NOTCH2: variants seen among roughly 807,000 people sequenced by gnomAD.
The protein encoded by NOTCH2 is neurogenic locus notch homolog protein 2.
A neutral mutation model predicts 235.8 loss-of-function variants in NOTCH2; 29 were observed. That is an observed-to-expected ratio of 0.12 (90% CI 0.09 to 0.17). The LOEUF (loss-of-function observed/expected upper bound fraction) is 0.17, where lower values mean the gene tolerates loss of function less well. Ranked by LOEUF, NOTCH2 falls within the 10% of genes least tolerant of loss-of-function variation. The probability of loss-of-function intolerance (pLI) is 1.00; values close to 1 mark genes in which losing one functional copy is unlikely to be tolerated. For synonymous variants in NOTCH2, 1,086 were observed against 1,141.5 expected (o/e 0.95, Z 0.98); for missense variants, 2,285 against 3,150.2 (o/e 0.73, Z 6.57).
intron 5 of NOTCH2, among the ~76,000 whole-genome samples, chr1:119,982,204 T>C (rs1253161586): frequency 2.0e-5 from 3 of 152,192 alleles, no homozygotes; most frequent in African/African-American, 7.2e-5. Context: ...CATCATGCTG[T>C]AAAGGAGAGC....
At position 119,916,212 on chromosome 1, in the gene NOTCH2, A is replaced by G; in HGVS notation, c.6510T>C (p.Ile2170=). Residue 2170 remains isoleucine (I), a synonymous_variant, in exon 34 of 34, where the codon ATT becomes ATC. Transcript: ENST00000256646. ...AGGCCTGTAAGATCCCAGGGGATGTAATCATTGGAGAGGATGTGGTGTCGG... is the reference window on the plus strand; with the variant it reads ...AGGCCTGTAAGATCCCAGGGGATGTGATCATTGGAGAGGATGTGGTGTCGG... ...YVSDTTSSPM[I]TSPGILQASP... is the part of the protein sequence containing the mutation. 6.2e-7 allele frequency: 1 copy of G among 1,614,210 alleles called. No homozygotes were observed. The highest frequency in any genetic ancestry group is 8.5e-7 in the Non-Finnish European group (1 of 1,180,032).
chr1:120,000,978 C>T (rs1553205252), intron 3 of NOTCH2, among the ~76,000 whole-genome samples: 2 of 151,844 alleles, frequency 1.3e-5, no homozygotes, highest in Non-Finnish European at 2.9e-5. Flanking sequence ...AGTGGGGTAA[C>T]TGTATCATGG....
intron 11 of NOTCH2, among the ~76,000 whole-genome samples, chr1:119,960,447 G>A (rs1222549901): frequency 6.7e-6 from 1 of 149,000 alleles, no homozygotes; most frequent in African/African-American, 2.5e-5. Context: ...TTTGTAAAGA[G>A]ATATTTGTGA....
chr1:119,986,309 G>A (rs2453042), intron 5 of NOTCH2, among the ~76,000 whole-genome samples: 46,629 of 152,044 alleles, frequency 0.31, 12,495 homozygotes, highest in African/African-American at 0.73. Flanking sequence ...AAATGTCTGC[G>A]TAAATCACTC....
Position 119,924,031 on chromosome 1 carries a change from T to G in NOTCH2, c.4512-47A>C, listed in dbSNP as rs754491473. The stretch of plus-strand genomic sequence containing the variant: ...ACAGGCAAAAGAGCTCAGATTAGAC[T>G]GGAGCTCTATTTGCTTTTTCATTTG... On this transcript the variant is annotated intron_variant, in intron 25 of 33. Transcript: ENST00000256646. 2.3e-5 allele frequency: 34 copies of G among 1,463,492 alleles called. No individual in the cohort carries two copies. The South Asian group carries it at 3.7e-4, about 16-fold the overall frequency. 90.7% of individuals were successfully genotyped at this position (1,463,492 alleles called of 1,614,324 possible).
At position 119,915,619 on chromosome 1, in the gene NOTCH2, G is replaced by T; in HGVS notation, c.7103C>A (p.Thr2368Asn). 6.2e-7 allele frequency: 1 copy of T among 1,614,056 alleles called. No homozygotes were observed. The highest frequency in any genetic ancestry group is 1.3e-5 in the African/African-American group (1 of 75,064). The change falls in exon 34 of 34, where the codon ACC (threonine) becomes AAC (asparagine). Residue 2368 changes from threonine to asparagine, a missense_variant. Physicochemically the swap from Thr to Asn is moderately conservative, Grantham distance 65. Coordinates refer to ENST00000256646, the MANE Select transcript of NOTCH2 (RefSeq NM_024408.4). ...GAAAGGATGATAGGCTGGGAGAATG[G>T]TCTGAGCTACCTGCCCGTCCTGCTG... ...MPQQDGQVAQ[T>N]ILPAYHPFPA... is the part of the protein sequence containing the mutation.
intron 27 of NOTCH2, 58 bp from the exon 28 acceptor site, chr1:119,922,504 G>T: frequency 6.3e-7 from 1 of 1,589,960 alleles, no homozygotes; most frequent in Non-Finnish European, 8.6e-7. Context: ...CTCAATGTCA[G>T]CATTAGATTC....
intron 22 of NOTCH2, chr1:119,935,263 C>A (rs1649808163): frequency 6.8e-7 from 1 of 1,473,636 alleles, no homozygotes; most frequent in South Asian, 1.4e-5. Context: ...GCCAAACAAC[C>A]AGATAAAACT....
chr1:119,932,413 C>A (rs1221330297), intron 22 of NOTCH2, among the ~76,000 whole-genome samples: 1 of 152,026 alleles, frequency 6.6e-6, no homozygotes, highest in East Asian at 1.9e-4. Flanking sequence ...CATGGAGAAA[C>A]CCTGTCTCTA....
intron 1 of NOTCH2, among the ~76,000 whole-genome samples, chr1:120,039,035 A>C (rs1553212325): frequency 6.8e-6 from 1 of 147,420 alleles, no homozygotes; most frequent in South Asian, 2.2e-4. Context: ...AATTCATTGT[A>C]TAGTATTATC....
chr1:120,055,494 TTTAAG>T (rs1158960315), intron 1 of NOTCH2, among the ~76,000 whole-genome samples: 2 of 102,450 alleles, frequency 2.0e-5, no homozygotes, highest in Non-Finnish European at 2.0e-5. Context: ...TTTAAGGGTA[TTTAAG>T]TTAACATATG....
intron 5 of NOTCH2, among the ~76,000 whole-genome samples, chr1:119,977,827 A>G (rs868966659): frequency 9.2e-5 from 14 of 152,316 alleles, no homozygotes; most frequent in Admixed American, 3.3e-4. Context: ...GGAAAATTTA[A>G]TGCTGTAATT....
At chr1:120,032,810 T>C (rs1553211164) in intron 1 of NOTCH2, among the ~76,000 whole-genome samples, 1 of 129,430 alleles carries the variant, frequency 7.7e-6, no homozygotes, top group Admixed American at 7.5e-5. Flanking sequence ...TATGAACGCT[T>C]GAGTGTCCAC....
chr1:120,008,898 C>T (rs1553206553), intron 2 of NOTCH2, among the ~76,000 whole-genome samples: 1 of 151,626 alleles, frequency 6.6e-6, no homozygotes. Flanking sequence ...AAAAGATGCA[C>T]AATAGATGGA....
At chr1:119,947,446 T>A (rs1650300896) in intron 17 of NOTCH2, among the ~76,000 whole-genome samples, 2 of 151,990 alleles carry the variant, frequency 1.3e-5, no homozygotes, top group South Asian at 4.2e-4. Flanking sequence ...TAATACAAAT[T>A]AAAATCACAA....
intron 17 of NOTCH2, among the ~76,000 whole-genome samples, chr1:119,943,387 C>T (rs2101108016): frequency 6.6e-6 from 1 of 152,194 alleles, no homozygotes; most frequent in South Asian, 2.1e-4. Context: ...CTAGAGGTTT[C>T]ACTGGGCTGA....
rs990710935 is a variant in NOTCH2 at position 119,966,244 on chromosome 1, C to G, written c.1567+132G>C. ...AATTCTCTATTTCTGTACACACACA[C>G]TCCTATCACCAAGCACTTACTCTAA... On this transcript the variant is annotated intron_variant, in intron 9 of 33. Transcript: ENST00000256646. The G allele has an allele frequency of 4.0e-6, 3 of 747,104 alleles. No homozygotes were observed. The African/African-American group carries it at 5.2e-5, about 13-fold the overall frequency. The allele number at this position is 747,104 out of a possible 1,614,324, so 46.3% of individuals were successfully genotyped here.
chr1:119,972,073 G>C lies in NOTCH2; in HGVS notation c.875-2329C>G, dbSNP rs1651383178. Among the ~76,000 whole-genome samples, 3 of 150,312 alleles carry C rather than the reference G, an allele frequency of 2.0e-5. No individual in the cohort carries two copies. The South Asian group carries it at 6.5e-4, about 32-fold the overall frequency. On this transcript the variant is annotated intron_variant, in intron 5 of 33. Coordinates refer to ENST00000256646, the MANE Select transcript of NOTCH2 (RefSeq NM_024408.4). ...GATTGCAAGGAGTGAGTGAGCGAGG[G>C]AGGGAATGCGTGAGAGAGTAAAAGA...
intron 14 of NOTCH2, among the ~76,000 whole-genome samples, chr1:119,951,316 G>A (rs1650463961): frequency 6.6e-6 from 1 of 151,882 alleles, no homozygotes; most frequent in Non-Finnish European, 1.5e-5. Context: ...ATGCCCACTT[G>A]ATTTTTTAAA....
Sources: gnomAD v4.1 joint callset for allele counts (sites outside exome capture counted in the v4.1 genomes callset) on GRCh38, gnomAD v4.1.1 for gene constraint, MANE v1.5 for transcripts, NCBI Gene and HGNC (gene_info 2026-07-23, HGNC 2026-07-21) for gene names.